Variants in GABRG3 observed in about 807,000 individuals in gnomAD.
GABRG3 encodes gamma-aminobutyric acid receptor subunit gamma-3.
GABRG3 carries 25 observed loss-of-function variants against 48.8 expected under a neutral mutation model. The ratio of observed to expected loss-of-function variants is 0.51; its 90% confidence interval spans 0.37 to 0.72. The LOEUF is 0.72. GABRG3 is among the 30% of genes least tolerant of loss of function. The pLI is 0.00. For missense variants in GABRG3, 394 were observed against 577.9 expected (o/e 0.68, Z 3.26); for synonymous variants, 227 against 217.6 (o/e 1.04, Z -0.38).
intron 2 of GABRG3, among the ~76,000 whole-genome samples, chr15:27,004,019 G>C (rs952282839): frequency 1.3e-5 from 2 of 149,028 alleles, no homozygotes; most frequent in African/African-American, 4.9e-5. Context: ...GCGGCTGTCC[G>C]GGCGGGGGGC....
chr15:27,209,719 T>G (rs1178646994), intron 3 of GABRG3, among the ~76,000 whole-genome samples: 2 of 152,198 alleles, frequency 1.3e-5, no homozygotes, highest in Non-Finnish European at 2.9e-5. Context: ...GGGAATTTGC[T>G]GGTGGCTGGG....
intron 3 of GABRG3, among the ~76,000 whole-genome samples, chr15:27,273,712 G>T (rs998424731): frequency 2.6e-5 from 4 of 152,232 alleles, no homozygotes; most frequent in African/African-American, 9.6e-5. Flanking sequence ...CTGGTGCAGT[G>T]CCTGGTTCAT....
At chr15:27,143,712 A>G (rs1898147775) in intron 3 of GABRG3, among the ~76,000 whole-genome samples, 1 of 152,236 alleles carries the variant, frequency 6.6e-6, no homozygotes, top group Non-Finnish European at 1.5e-5. Context: ...GTGAGCGACC[A>G]TAACAATAAT....
intron 2 of GABRG3, among the ~76,000 whole-genome samples, chr15:26,997,689 A>G (rs1019567906): frequency 4.6e-5 from 7 of 152,222 alleles, no homozygotes; most frequent in African/African-American, 1.7e-4. Flanking sequence ...ATGTTTGTCC[A>G]TAAGTCATTT....
At chr15:27,259,202 A>C (rs1890702991) in intron 3 of GABRG3, among the ~76,000 whole-genome samples, 1 of 152,214 alleles carries the variant, frequency 6.6e-6, no homozygotes, top group Non-Finnish European at 1.5e-5. Flanking sequence ...ATGGGGCTGC[A>C]GTATCTCTTT....
intron 3 of GABRG3, among the ~76,000 whole-genome samples, chr15:27,245,739 G>A (rs896428465): frequency 3.4e-5 from 5 of 145,972 alleles, no homozygotes; most frequent in Non-Finnish European, 4.5e-5. Flanking sequence ...TGGGCATGGT[G>A]GCTGGTGCCT....
chr15:27,394,781 C>T (rs1887250538), intron 5 of GABRG3, among the ~76,000 whole-genome samples: 1 of 152,118 alleles, frequency 6.6e-6, no homozygotes, highest in Non-Finnish European at 1.5e-5. Context: ...ATCCCATTGC[C>T]TTTTGACTTC....
chr15:27,092,516 A>G (rs2140756527), intron 3 of GABRG3, among the ~76,000 whole-genome samples: 1 of 152,312 alleles, frequency 6.6e-6, no homozygotes, highest in Admixed American at 6.5e-5. Context: ...CAGCACTCAC[A>G]GGTAATGGTT....
At chr15:27,351,364 C>A (rs1169946479) in intron 5 of GABRG3, among the ~76,000 whole-genome samples, 2 of 99,544 alleles carry the variant, frequency 2.0e-5, no homozygotes, top group African/African-American at 8.1e-5. Flanking sequence ...GTGTGAGTGC[C>A]TTTGTGTGTG....
chr15:27,386,081 T>C lies in GABRG3; in HGVS notation c.574+57193T>C, dbSNP rs141485914. On this transcript the variant is annotated intron_variant, in intron 5 of 9. Transcript: ENST00000615808. The stretch of plus-strand genomic sequence containing the variant: ...TGCCTTGACTAAGTCTGTGGCATGT[T>C]TACCTCCATAGGTATGGCCTCTGAT... Among the ~76,000 whole-genome samples the C allele has an allele frequency of 5.5e-3, 836 of 152,350 alleles. 7 individuals carry two copies. Among genetic ancestry groups the C allele is most frequent in the African/African-American group, 0.019 (808 of 41,580 alleles).
At chr15:27,034,322 A>G (rs1689052353) in intron 3 of GABRG3, among the ~76,000 whole-genome samples, 1 of 152,166 alleles carries the variant, frequency 6.6e-6, no homozygotes, top group South Asian at 2.1e-4. Context: ...CTCTCATTTT[A>G]TGTTGGGGCA....
chr15:27,109,003 TTC>T (rs780187464), intron 3 of GABRG3, among the ~76,000 whole-genome samples: 25 of 152,256 alleles, frequency 1.6e-4, no homozygotes, highest in Non-Finnish European at 2.9e-4. Context: ...TTAGCTTCGT[TTC>T]TCTTTTTCAC....
chr15:27,421,418 C>T (rs1468267342), intron 5 of GABRG3, among the ~76,000 whole-genome samples: 1 of 152,244 alleles, frequency 6.6e-6, no homozygotes, highest in Non-Finnish European at 1.5e-5. Flanking sequence ...CACATATCCA[C>T]TGAGTGTTCT....
intron 3 of GABRG3, among the ~76,000 whole-genome samples, chr15:27,276,229 C>A (rs573816682): frequency 6.6e-6 from 1 of 152,172 alleles, no homozygotes; most frequent in Non-Finnish European, 1.5e-5. Context: ...TAACAAAAAG[C>A]CAGGCATTCT....
chr15:27,411,723 C>T (rs1246571709), intron 5 of GABRG3, among the ~76,000 whole-genome samples: 1 of 152,116 alleles, frequency 6.6e-6, no homozygotes, highest in Non-Finnish European at 1.5e-5. Flanking sequence ...TTACAATATA[C>T]ATATTAAATA....
At chr15:27,415,811 T>C (rs1887924281) in intron 5 of GABRG3, among the ~76,000 whole-genome samples, 1 of 152,188 alleles carries the variant, frequency 6.6e-6, no homozygotes, top group African/African-American at 2.4e-5. Context: ...AGTGGGGCCA[T>C]GCAAGAAAGA....
chr15:27,005,407 G>T (rs1218713479), intron 2 of GABRG3, among the ~76,000 whole-genome samples: 10 of 152,002 alleles, frequency 6.6e-5, no homozygotes, highest in Admixed American at 6.6e-4. Flanking sequence ...TGCTTTGAGT[G>T]CAGCATTTCA....
intron 5 of GABRG3, among the ~76,000 whole-genome samples, chr15:27,470,579 C>A (rs531295697): frequency 2.1e-4 from 32 of 150,378 alleles, no homozygotes; most frequent in Non-Finnish European, 3.6e-4. Context: ...CCTTTGTTAA[C>A]TGTTTATTCA....
At chr15:27,126,407 T>A (rs1252887586) in intron 3 of GABRG3, among the ~76,000 whole-genome samples, 1 of 152,154 alleles carries the variant, frequency 6.6e-6, no homozygotes, top group Non-Finnish European at 1.5e-5. Flanking sequence ...CGGTCCTCAA[T>A]CTTTCCCACC....
Sources: gnomAD v4.1 joint callset for allele counts (sites outside exome capture counted in the v4.1 genomes callset) on GRCh38, gnomAD v4.1.1 for gene constraint, MANE v1.5 for transcripts, NCBI Gene and HGNC (gene_info 2026-07-23, HGNC 2026-07-21) for gene names.